RABL3: variants seen among roughly 807,000 people sequenced by gnomAD.
RABL3 encodes the protein rab-like protein 3.
A neutral mutation model predicts 31.8 loss-of-function variants in RABL3; 31 were observed. That is an observed-to-expected ratio of 0.97 (90% CI 0.73 to 1.31). The LOEUF is 1.31. Ranked by LOEUF, RABL3 falls within the 40% of genes most tolerant of loss-of-function variation. The pLI is 0.00. For missense variants in RABL3, 263 were observed against 279.6 expected (o/e 0.94, Z 0.42); for synonymous variants, 97 against 99.9 (o/e 0.97, Z 0.18).
intron 6 of RABL3, among the ~76,000 whole-genome samples, chr3:120,693,512 T>C (rs1457642811): frequency 1.3e-5 from 2 of 152,210 alleles, no homozygotes; most frequent in Non-Finnish European, 2.9e-5. Flanking sequence ...AATGTGAGCA[T>C]TGGACAAACA....
Position 120,705,981 on chromosome 3 carries a change from A to C in RABL3, c.383+19T>G. ...TGTGATTGCTACAATCTTTCAAACC[A>C]ATTGTGAAATTGGCTCACCCATTTG... On this transcript the variant is annotated intron_variant, in intron 4 of 7. Coordinates refer to ENST00000273375, the MANE Select transcript of RABL3 (RefSeq NM_173825.5). The C allele has an allele frequency of 7.2e-7, 1 of 1,381,796 alleles. No individual in the cohort carries two copies. Among genetic ancestry groups the C allele is most frequent in the South Asian group, 1.2e-5 (1 of 86,466 alleles). 85.6% of individuals were successfully genotyped at this position (1,381,796 alleles called of 1,614,324 possible). A position where few individuals can be genotyped will look rare whatever the true frequency, so the allele number is the denominator to read the frequency against.
At chr3:120,696,887 A>G (rs1708443658) in intron 5 of RABL3, among the ~76,000 whole-genome samples, 2 of 152,144 alleles carry the variant, frequency 1.3e-5, no homozygotes, top group Admixed American at 1.3e-4. Flanking sequence ...GAGAAAAATG[A>G]GGGGCTCTCC....
At chr3:120,732,274 T>C (rs1241430201) in intron 1 of RABL3, among the ~76,000 whole-genome samples, 1 of 152,196 alleles carries the variant, frequency 6.6e-6, no homozygotes, top group Admixed American at 6.5e-5. Context: ...AATTAATCTT[T>C]GGAGAGTCAG....
intron 5 of RABL3, 61 bp from the exon 6 acceptor site, chr3:120,694,285 C>T: frequency 9.2e-7 from 1 of 1,081,746 alleles, no homozygotes; most frequent in Non-Finnish European, 1.4e-6. Flanking sequence ...CGTTGCTATT[C>T]ATAACTTATC....
intron 2 of RABL3, among the ~76,000 whole-genome samples, chr3:120,729,628 GA>G: frequency 2.6e-5 from 4 of 152,070 alleles, no homozygotes; most frequent in Admixed American, 2.6e-4. Flanking sequence ...GAACTAAAAG[GA>G]ACATCTAGAA....
intron 1 of RABL3, among the ~76,000 whole-genome samples, chr3:120,733,133 G>C (rs914495964): frequency 6.6e-6 from 1 of 152,064 alleles, no homozygotes; most frequent in African/African-American, 2.4e-5. Flanking sequence ...TTGAGAAATC[G>C]CCCCACTCTC....
At chr3:120,692,197 T>TA (rs1358961897) in intron 6 of RABL3, among the ~76,000 whole-genome samples, 14 of 137,580 alleles carry the variant, frequency 1.0e-4, no homozygotes, top group African/African-American at 3.5e-4. Context: ...GGAGAAGAAA[T>TA]CTTTTTTTTT....
At chr3:120,709,735 A>T (rs912671232) in intron 3 of RABL3, 45 bp downstream of exon 3, 2 of 1,405,228 alleles carry the variant, frequency 1.4e-6, no homozygotes, top group Non-Finnish European at 2.0e-6. Context: ...GATGATCTAT[A>T]CTCTTAGACC....
rs568908827 is a variant in RABL3 at position 120,702,862 on chromosome 3, G to A, written c.383+3138C>T. 2.0e-5 allele frequency among the ~76,000 whole-genome samples: 3 copies of A among 152,270 alleles called. No homozygotes were observed. The East Asian group carries it at 5.8e-4, about 30-fold the overall frequency. ...GTGAGCCACCGCGCCGGGCCCAGAAGGGAAATTTTTCTGACTGATGGAACT... is the reference window on the plus strand; with the variant it reads ...GTGAGCCACCGCGCCGGGCCCAGAAAGGAAATTTTTCTGACTGATGGAACT... On this transcript the variant is annotated intron_variant, in intron 4 of 7. Coordinates refer to ENST00000273375, the MANE Select transcript of RABL3 (RefSeq NM_173825.5).
intron 2 of RABL3, among the ~76,000 whole-genome samples, chr3:120,725,348 G>A (rs1032945106): frequency 6.6e-6 from 1 of 151,038 alleles, no homozygotes; most frequent in Admixed American, 6.6e-5. Flanking sequence ...CACTGTTGGT[G>A]GAACTGTAAA....
At chr3:120,723,666 T>C (rs1272459209) in intron 2 of RABL3, among the ~76,000 whole-genome samples, 2 of 152,198 alleles carry the variant, frequency 1.3e-5, no homozygotes, top group African/African-American at 4.8e-5. Flanking sequence ...ATAAACGTAA[T>C]CCAGCATATA....
chr3:120,715,472 G>C (rs1244104077), intron 2 of RABL3, among the ~76,000 whole-genome samples: 1 of 152,064 alleles, frequency 6.6e-6, no homozygotes, highest in East Asian at 1.9e-4. Context: ...GGGAGGCAGA[G>C]GTTGCAGTGA....
rs746143976 is a variant in RABL3, at chr3:120,689,871, A to T, written c.663T>A (p.Asp221Glu). 2 of 1,612,932 alleles carry T rather than the reference A, an allele frequency of 1.2e-6. No homozygotes were observed. Among genetic ancestry groups the T allele is most frequent in the East Asian group, 2.2e-5 (1 of 44,840 alleles). ...ATGTTCCTGCCCCAAATCTTTTCCG[A>T]TCAGGAAAGCCTGGAATCTGTAGGC... is the stretch of plus-strand genomic sequence containing the variant. ...REGNQIPGFP[D>E]RKRFGAGTLK... The change falls in exon 8 of 8, where the codon GAT (aspartate) becomes GAA (glutamate). Residue 221 changes from aspartate (D) to glutamate (E), a missense_variant. Transcript: ENST00000273375.
At chr3:120,725,895 T>A (rs186125728) in intron 2 of RABL3, among the ~76,000 whole-genome samples, 25 of 152,274 alleles carry the variant, frequency 1.6e-4, no homozygotes, top group African/African-American at 5.5e-4. Context: ...CATGTATACA[T>A]ATGTAACAAA....
intron 2 of RABL3, among the ~76,000 whole-genome samples, chr3:120,726,389 C>T (rs1216591560): frequency 1.3e-5 from 2 of 152,112 alleles, no homozygotes; most frequent in African/African-American, 4.8e-5. Context: ...CTTTGGGAGG[C>T]CAAGGTTGCA....
At chr3:120,705,324 T>C (rs1708536408) in intron 4 of RABL3, among the ~76,000 whole-genome samples, 1 of 152,112 alleles carries the variant, frequency 6.6e-6, no homozygotes, top group South Asian at 2.1e-4. Context: ...AAAATTCATG[T>C]GGAAAAACAA....
At chr3:120,702,051 G>C (rs1412501102) in intron 4 of RABL3, among the ~76,000 whole-genome samples, 1 of 152,166 alleles carries the variant, frequency 6.6e-6, no homozygotes, top group East Asian at 1.9e-4. Flanking sequence ...TCCAGAAGAA[G>C]GCCTATAGTT....
chr3:120,725,587 C>A (rs891740572), intron 2 of RABL3, among the ~76,000 whole-genome samples: 2 of 152,172 alleles, frequency 1.3e-5, no homozygotes, highest in African/African-American at 4.8e-5. Flanking sequence ...GAAAATGTGG[C>A]ACATATACAC....
At chr3:120,715,951 A>T (rs1708663742) in intron 2 of RABL3, among the ~76,000 whole-genome samples, 1 of 152,344 alleles carries the variant, frequency 6.6e-6, no homozygotes, top group Middle Eastern at 3.4e-3. Context: ...GGTTGTTGTG[A>T]GAATTAAATG....
Sources: gnomAD v4.1 joint callset for allele counts (sites outside exome capture counted in the v4.1 genomes callset) on GRCh38, gnomAD v4.1.1 for gene constraint, MANE v1.5 for transcripts, NCBI Gene and HGNC (gene_info 2026-07-23, HGNC 2026-07-21) for gene names.